Variants in SLC35F5 observed in about 807,000 individuals in gnomAD.
The protein encoded by SLC35F5 is solute carrier family 35 member F5, also known as HCV NS5A-transactivated protein 3.
In SLC35F5, 54 loss-of-function variants were observed where a neutral mutation model predicts 68.6. The observed-to-expected ratio is 0.79, with a 90% CI of 0.63 to 0.99. The LOEUF (loss-of-function observed/expected upper bound fraction) is 0.99. Ranked by LOEUF, SLC35F5 falls within the 50% of genes least tolerant of loss-of-function variation. The pLI is 0.00. For missense variants in SLC35F5, 567 were observed against 626.9 expected (o/e 0.90, Z 1.02); for synonymous variants, 211 against 205.2 (o/e 1.03, Z -0.24).
chr2:113,742,673 CAT>C lies in SLC35F5; in HGVS notation c.750+17_750+18del, dbSNP rs1267224813. ...TCAAGTTTCAAACATCATATGCAAACATATCATAAAAGACCTACCACAAAGCA... is the reference window on the plus strand; with the variant it reads ...TCAAGTTTCAAACATCATATGCAAACATCATAAAAGACCTACCACAAAGCA... On this transcript the variant is annotated intron_variant, in intron 7 of 15. Coordinates refer to ENST00000245680, the MANE Select transcript of SLC35F5 (RefSeq NM_025181.5). 16 of 1,611,308 alleles carry C rather than the reference CAT, an allele frequency of 9.9e-6. No homozygotes were observed. The highest frequency in any genetic ancestry group is 1.3e-5 in the Non-Finnish European group (15 of 1,178,444).
intron 7 of SLC35F5, among the ~76,000 whole-genome samples, chr2:113,738,659 GAAA>G (rs74545459): frequency 7.0e-4 from 93 of 132,528 alleles, no homozygotes; most frequent in South Asian, 1.2e-3. Flanking sequence ...ACATTTTACA[GAAA>G]AAAAAAAAAC....
At chr2:113,754,937 C>T (rs1466288848) in intron 3 of SLC35F5, among the ~76,000 whole-genome samples, 1 of 151,976 alleles carries the variant, frequency 6.6e-6, no homozygotes, top group Middle Eastern at 3.2e-3. Context: ...CATAGTCTCT[C>T]TAAGTAACCC....
At chr2:113,751,049 G>T (rs1452159995) in intron 3 of SLC35F5, among the ~76,000 whole-genome samples, 1 of 152,186 alleles carries the variant, frequency 6.6e-6, no homozygotes, top group Non-Finnish European at 1.5e-5. Context: ...GGAGGCTGAA[G>T]CGGGAGGATC....
At chr2:113,723,806 T>C (rs1226035052) in intron 12 of SLC35F5, among the ~76,000 whole-genome samples, 1 of 152,232 alleles carries the variant, frequency 6.6e-6, no homozygotes, top group Non-Finnish European at 1.5e-5. Context: ...CACCTTGAAT[T>C]AACAATGTGG....
At chr2:113,737,101 A>G (rs531657369) in intron 7 of SLC35F5, among the ~76,000 whole-genome samples, 2 of 152,200 alleles carry the variant, frequency 1.3e-5, no homozygotes, top group Non-Finnish European at 2.9e-5. Flanking sequence ...TGTCTCTGTT[A>G]CTTACACTGG....
chr2:113,740,195 T>G (rs1041451370), intron 7 of SLC35F5, among the ~76,000 whole-genome samples: 2 of 152,136 alleles, frequency 1.3e-5, no homozygotes, highest in Non-Finnish European at 2.9e-5. Context: ...CCAGATTAAA[T>G]GGGTAATGGA....
At chr2:113,746,363 A>G in intron 4 of SLC35F5, 24 bp from the exon 5 acceptor site, 1 of 1,589,474 alleles carries the variant, frequency 6.3e-7, no homozygotes, top group Non-Finnish European at 8.6e-7. Flanking sequence ...ACAAGATACA[A>G]AATTCAATGA....
chr2:113,728,308 T>TA (rs869226200), intron 11 of SLC35F5, among the ~76,000 whole-genome samples: 1 of 152,024 alleles, frequency 6.6e-6, no homozygotes, highest in African/African-American at 2.4e-5. Context: ...AGTCTTTTTT[T>TA]AAAAAAAATT....
At chr2:113,756,323 C>T (rs1203406911) in intron 1 of SLC35F5, 47 bp downstream of exon 1, 2 of 1,554,848 alleles carry the variant, frequency 1.3e-6, no homozygotes, top group African/African-American at 2.7e-5. Context: ...GGCACTCCGT[C>T]CCGGTTTGGG....
Position 113,756,143 on chromosome 2 carries a change from T to A in SLC35F5, c.40+227A>T, listed in dbSNP as rs573155591. 3.4e-5 allele frequency: 49 copies of A among 1,446,194 alleles called. 1 individual carries two copies. In the South Asian group the frequency reaches 6.7e-4, roughly 20 times the overall value. 89.6% of individuals were successfully genotyped at this position (1,446,194 alleles called of 1,614,324 possible). ...GGAAGACAGTTAAGGCAGCGACGCC[T>A]CCCCGGGGAGCCGAGGCGAGGGCGC... On this transcript the variant is annotated intron_variant, in intron 1 of 15. Coordinates refer to ENST00000245680, the MANE Select transcript of SLC35F5 (RefSeq NM_025181.5).
At chr2:113,718,228 G>A (rs1687253868) in intron 14 of SLC35F5, among the ~76,000 whole-genome samples, 1 of 151,916 alleles carries the variant, frequency 6.6e-6, no homozygotes, top group Non-Finnish European at 1.5e-5. Flanking sequence ...GGGACTGCAG[G>A]TATATGCCAT....
rs949779426 is a variant in SLC35F5, at chr2:113,744,709, C to A, written c.481-915G>T. ...GAGGTTGTGCAGTGAGCTGAGATTG[C>A]GCCACTGCACTCCAGCTTGGGTGAC... On this transcript the variant is annotated intron_variant, in intron 5 of 15. Coordinates refer to ENST00000245680, the MANE Select transcript of SLC35F5 (RefSeq NM_025181.5). 3.3e-5 allele frequency among the ~76,000 whole-genome samples: 5 copies of A among 152,172 alleles called. No individual in the cohort carries two copies. The East Asian group carries it at 5.8e-4, about 18-fold the overall frequency.
chr2:113,756,273 C>T lies in SLC35F5; in HGVS notation c.40+97G>A, dbSNP rs1184293734. The T allele has an allele frequency of 2.0e-5, 31 of 1,543,192 alleles. No homozygotes were observed. The Admixed American group carries it at 4.1e-4, about 21-fold the overall frequency. On this transcript the variant is annotated intron_variant, in intron 1 of 15. Coordinates refer to ENST00000245680, the MANE Select transcript of SLC35F5 (RefSeq NM_025181.5). ...GACCTTCACGGTTTCGGTCAAGGCG[C>T]TCCTGCTGCCACCGAGGGCAGGAGG...
chr2:113,725,020 T>A (rs922258272), intron 12 of SLC35F5, among the ~76,000 whole-genome samples: 1 of 152,222 alleles, frequency 6.6e-6, no homozygotes, highest in African/African-American at 2.4e-5. Flanking sequence ...CTAGAACTCA[T>A]GCACTCATAC....
intron 14 of SLC35F5, among the ~76,000 whole-genome samples, chr2:113,718,084 T>C (rs1339099623): frequency 2.0e-5 from 3 of 152,108 alleles, no homozygotes; most frequent in Non-Finnish European, 2.9e-5. Context: ...ACGGTCTCAC[T>C]TTTTGTTTTT....
intron 5 of SLC35F5, among the ~76,000 whole-genome samples, chr2:113,744,362 C>A (rs1424578895): frequency 6.6e-6 from 1 of 152,142 alleles, no homozygotes; most frequent in African/African-American, 2.4e-5. Flanking sequence ...GACCTTTACA[C>A]AAAATAGCTA....
chr2:113,755,113 A>G, intron 3 of SLC35F5, 52 bp downstream of exon 3: 1 of 1,578,402 alleles, frequency 6.3e-7, no homozygotes, highest in Admixed American at 1.7e-5. Flanking sequence ...ACAGGTTAAG[A>G]GTTAACATTG....
chr2:113,732,582 A>C (rs901093395), intron 9 of SLC35F5, among the ~76,000 whole-genome samples: 4 of 152,192 alleles, frequency 2.6e-5, no homozygotes, highest in African/African-American at 7.2e-5. Flanking sequence ...CTTCAATTAA[A>C]TCATCCCAAT....
chr2:113,719,228 A>G lies in SLC35F5; in HGVS notation c.1422T>C (p.Tyr474=), dbSNP rs1375375039. 4.2e-5 allele frequency: 67 copies of G among 1,607,664 alleles called. No individual in the cohort carries two copies. The highest frequency in any genetic ancestry group is 5.5e-5 in the Non-Finnish European group (65 of 1,178,906). The change falls in exon 14 of 16, where the codon TAT becomes TAC. Residue 474 remains tyrosine (Y), a synonymous_variant. Transcript: ENST00000245680. ...SFFIVTLLCH[Y]NNWDPVMVGI... Reference sequence around the variant, plus strand: ...CCACCATCACAGGATCCCAATTATTATAATGGCATAGGAGAGTTACAATAA... The same window carrying G: ...CCACCATCACAGGATCCCAATTATTGTAATGGCATAGGAGAGTTACAATAA...
Sources: allele counts gnomAD v4.1 joint callset (sites outside exome capture counted in the v4.1 genomes callset), GRCh38; gene constraint gnomAD v4.1.1; transcripts MANE v1.5; gene names NCBI Gene and HGNC (gene_info 2026-07-23, HGNC 2026-07-21).